The following CDC42BPA variants were observed in gnomAD, a reference collection of about 807,000 sequenced individuals.
The protein encoded by CDC42BPA is serine/threonine-protein kinase MRCK alpha.
Under a neutral mutation model 223.5 loss-of-function variants are expected in CDC42BPA, and 80 were observed. The ratio of observed to expected loss-of-function variants is 0.36; its 90% CI spans 0.30 to 0.43. CDC42BPA has a LOEUF of 0.43. CDC42BPA is among the 20% of genes least tolerant of loss of function. The probability of loss-of-function intolerance (pLI) is 1.00; values close to 1 mark genes in which losing one functional copy is unlikely to be tolerated. For missense variants in CDC42BPA, 1,743 were observed against 2,099.9 expected, an observed-to-expected ratio of 0.83 and a Z score of 3.32; for synonymous variants, 694 against 718.6, an observed-to-expected ratio of 0.97 and a Z score of 0.55.
chr1:227,177,132 A>AT (rs200488209), intron 5 of CDC42BPA, among the ~76,000 whole-genome samples: 775 of 71,192 alleles, frequency 0.011, 7 homozygotes, highest in African/African-American at 0.036. Context: ...TGTAAGAAAA[A>AT]AAAAATATAT....
intron 6 of CDC42BPA, among the ~76,000 whole-genome samples, chr1:227,152,252 T>A (rs1325056322): frequency 1.3e-5 from 2 of 152,210 alleles, no homozygotes; most frequent in Non-Finnish European, 2.9e-5. Flanking sequence ...TCTATTTTTT[T>A]CTTTCGTTGC....
intron 32 of CDC42BPA, among the ~76,000 whole-genome samples, chr1:227,018,892 C>A (rs2148524437): frequency 6.6e-6 from 1 of 152,346 alleles, no homozygotes; most frequent in East Asian, 1.9e-4. Context: ...TCTTCACCTT[C>A]ATGAGTCATA....
At chr1:227,146,573 C>T (rs1238736254) in intron 7 of CDC42BPA, among the ~76,000 whole-genome samples, 1 of 152,094 alleles carries the variant, frequency 6.6e-6, no homozygotes, top group Non-Finnish European at 1.5e-5. Flanking sequence ...TAAGTATTTG[C>T]AACTGCTCAC....
intron 20 of CDC42BPA, among the ~76,000 whole-genome samples, 159 bp from the exon 21 acceptor site, chr1:227,070,012 A>G (rs1005549687): frequency 3.3e-5 from 5 of 151,938 alleles, no homozygotes; most frequent in Admixed American, 6.6e-5. Context: ...ACTAAAATAC[A>G]CTAGTGTTTC....
intron 7 of CDC42BPA, among the ~76,000 whole-genome samples, chr1:227,146,666 T>G (rs954392494): frequency 6.6e-6 from 1 of 152,156 alleles, no homozygotes; most frequent in African/African-American, 2.4e-5. Flanking sequence ...TATTAACGTT[T>G]CATTAATTTG....
intron 31 of CDC42BPA, among the ~76,000 whole-genome samples, 179 bp from the exon 32 acceptor site, chr1:227,023,526 GAACA>G (rs1325093215): frequency 1.3e-5 from 2 of 152,158 alleles, no homozygotes; most frequent in East Asian, 3.9e-4. Context: ...TATCTAATTT[GAACA>G]AACAAACTTG....
chr1:227,176,199 C>T (rs1052783587), intron 5 of CDC42BPA, among the ~76,000 whole-genome samples: 9 of 152,034 alleles, frequency 5.9e-5, no homozygotes, highest in African/African-American at 1.5e-4. Flanking sequence ...GTGATCTGCC[C>T]GCCTTGGCCT....
At chr1:227,232,946 A>C (rs1678297272) in intron 2 of CDC42BPA, among the ~76,000 whole-genome samples, 1 of 152,204 alleles carries the variant, frequency 6.6e-6, no homozygotes, top group Admixed American at 6.5e-5. Flanking sequence ...AAGCTACTCA[A>C]GCCTCAGCAA....
At chr1:227,195,719 T>C (rs1670563320) in intron 4 of CDC42BPA, among the ~76,000 whole-genome samples, 3 of 152,224 alleles carry the variant, frequency 2.0e-5, no homozygotes, top group African/African-American at 4.8e-5. Flanking sequence ...CATATTGTTC[T>C]GATTGGTTAA....
intron 32 of CDC42BPA, 140 bp from the exon 33 acceptor site, chr1:227,017,190 C>A (rs1666449681): frequency 1.6e-6 from 1 of 624,890 alleles, no homozygotes; most frequent in African/African-American, 1.9e-5. Flanking sequence ...GTTGATAACC[C>A]AGTAAATAAT....
intron 5 of CDC42BPA, among the ~76,000 whole-genome samples, chr1:227,177,409 C>T (rs1421963795): frequency 6.6e-6 from 1 of 152,156 alleles, no homozygotes; most frequent in South Asian, 2.1e-4. Context: ...TCTCAATACT[C>T]TGAAGATGTT....
chr1:227,139,615 G>A lies in CDC42BPA; in HGVS notation c.1351C>T (p.Leu451Phe). 8.7e-6 allele frequency: 14 copies of A among 1,605,902 alleles called. No individual in the cohort carries two copies. Among genetic ancestry groups the A allele is most frequent in the South Asian group, 1.1e-5 (1 of 88,948 alleles). ...CTGAGTTCAAGTTTTTCTTGCTCAA[G>A]GCGCTTAATTCTTCTTTCATAAGCT... ...TEAYERRIKR[L>F]EQEKLELSRK... Residue 451 changes from leucine to phenylalanine, a missense_variant, in exon 10 of 37, where the codon CTT becomes TTT. Coordinates refer to ENST00000366766, the MANE Select transcript of CDC42BPA (RefSeq NM_001394014.1).
chr1:227,035,594 T>A lies in CDC42BPA; in HGVS notation c.3213A>T (p.Ser1071=). The change falls in exon 25 of 37, where the codon TCA becomes TCT. Residue 1071 remains serine, a synonymous_variant. Coordinates refer to ENST00000366766, the MANE Select transcript of CDC42BPA (RefSeq NM_001394014.1). Reference sequence around the variant, plus strand: ...CTTTGTTTACACAAGTTATATGGCATGAGAATCCACACACTTTTAGAGGGA... The same window carrying A: ...CTTTGTTTACACAAGTTATATGGCAAGAGAATCCACACACTTTTAGAGGGA... ...QGCSCEVCGF[S]CHITCVNKAP... is the part of the protein sequence containing the mutation. 1 of 1,590,256 alleles carries A rather than the reference T, an allele frequency of 6.3e-7. No individual in the cohort carries two copies. Among genetic ancestry groups the A allele is most frequent in the South Asian group, 1.2e-5 (1 of 85,462 alleles).
chr1:227,212,529 C>A (rs1008813854), intron 3 of CDC42BPA, among the ~76,000 whole-genome samples: 1 of 152,002 alleles, frequency 6.6e-6, no homozygotes, highest in South Asian at 2.1e-4. Flanking sequence ...AGCAGCGGAC[C>A]CCCCAGAAGT....
intron 16 of CDC42BPA, among the ~76,000 whole-genome samples, chr1:227,081,914 T>C (rs774357146): frequency 6.6e-6 from 1 of 152,238 alleles, no homozygotes; most frequent in African/African-American, 2.4e-5. Flanking sequence ...ATTTCACAAA[T>C]TTCCTAATAT....
chr1:227,005,102 G>T lies in CDC42BPA; in HGVS notation c.4867C>A (p.Pro1623Thr). The stretch of plus-strand genomic sequence containing the variant: ...CTGAATACTGTCCGACTTTCCTGAG[G>T]CCGAGGGTTCTATAAACAAAAGCGA... ...ILKDLPMNPR[P>T]QESRTVFSGS... The change falls in exon 35 of 37, where the codon CCT (proline) becomes ACT (threonine). Residue 1623 changes from proline to threonine, a missense_variant. Around this residue, in one of 6 missense-constraint regions of CDC42BPA, gnomAD observed 200 missense variants for 192.8 expected, o/e 1.04. Coordinates refer to ENST00000366766, the MANE Select transcript of CDC42BPA (RefSeq NM_001394014.1). 2 of 1,611,580 alleles carry T rather than the reference G, an allele frequency of 1.2e-6. No homozygotes were observed. Among genetic ancestry groups the T allele is most frequent in the Non-Finnish European group, 1.7e-6 (2 of 1,177,736 alleles).
intron 1 of CDC42BPA, among the ~76,000 whole-genome samples, chr1:227,280,048 A>G (rs976779579): frequency 5.9e-5 from 9 of 151,922 alleles, no homozygotes; most frequent in Non-Finnish European, 1.2e-4. Flanking sequence ...ACAGAGCAAG[A>G]CTCCATCTCA....
intron 35 of CDC42BPA, among the ~76,000 whole-genome samples, chr1:227,000,093 T>TATAATAATA (rs10605581): frequency 7.7e-6 from 1 of 130,670 alleles, no homozygotes; most frequent in East Asian, 2.1e-4. Context: ...GAACTTAAAG[T>TATAATAATA]ATAATAATAA....
At chr1:227,302,717 A>G (rs1263474869) in intron 1 of CDC42BPA, among the ~76,000 whole-genome samples, 1 of 151,814 alleles carries the variant, frequency 6.6e-6, no homozygotes, top group Non-Finnish European at 1.5e-5. Context: ...CTGTTCTTTC[A>G]AAGTGCTCTT....
Sources: gnomAD v4.1 joint callset for allele counts (sites outside exome capture counted in the v4.1 genomes callset) on GRCh38, gnomAD v4.1.1 for gene constraint, gnomAD v4.1.1 regional missense constraint, MANE v1.5 for transcripts, NCBI Gene and HGNC (gene_info 2026-07-23, HGNC 2026-07-21) for gene names.